Variants in SYNPR observed in about 807,000 individuals in gnomAD.
The protein encoded by SYNPR is synaptoporin.
SYNPR carries 23 observed loss-of-function variants against 32.9 expected under a neutral mutation model. The observed-to-expected ratio is 0.70, with a 90% confidence interval of 0.50 to 0.99. SYNPR has a LOEUF of 0.99. Ranked by LOEUF, SYNPR falls within the 50% of genes least tolerant of loss-of-function variation. SYNPR has a pLI of 0.00. For missense variants in SYNPR, 318 were observed against 349.3 expected, an observed-to-expected ratio of 0.91 and a Z score of 0.71; for synonymous variants, 146 against 135.9, an observed-to-expected ratio of 1.07 and a Z score of -0.52.
chr3:63,286,239 A>ATGG (rs1248579384), intron 2 of SYNPR, among the ~76,000 whole-genome samples: 9 of 152,170 alleles, frequency 5.9e-5, no homozygotes. Flanking sequence ...ATTGAACCTA[A>ATGG]ACGAGAACGT....
intron 2 of SYNPR, among the ~76,000 whole-genome samples, chr3:63,333,503 A>G (rs774210285): frequency 5.9e-5 from 9 of 152,016 alleles, no homozygotes; most frequent in Non-Finnish European, 1.2e-4. Context: ...CGCACCCTCA[A>G]CCTCCTGAGC....
rs147761531 is a variant in SYNPR at position 63,341,521 on chromosome 3, T to C, written c.84+62779T>C. Among the ~76,000 whole-genome samples, 6 of 152,360 alleles carry C rather than the reference T, an allele frequency of 3.9e-5. No homozygotes were observed. In the East Asian group the frequency reaches 1.2e-3, roughly 29 times the overall value. ...CCACATTCTCATCAGCATTTGATAT[T>C]GTCAATGTTTTGGATTTTAACCACT... On this transcript the variant is annotated intron_variant, in intron 2 of 5. Transcript: ENST00000478300.
At chr3:63,282,619 G>T (rs993698656) in intron 2 of SYNPR, among the ~76,000 whole-genome samples, 1 of 150,600 alleles carries the variant, frequency 6.6e-6, no homozygotes, top group Non-Finnish European at 1.5e-5. Context: ...CGAGGTCAAG[G>T]CTACAGTGAG....
rs898024128 is a variant in SYNPR at position 63,481,007 on chromosome 3, C to A, written c.209+51C>A. 11 of 1,573,126 alleles carry A rather than the reference C, an allele frequency of 7.0e-6. No homozygotes were observed. The African/African-American group carries it at 1.5e-4, about 21-fold the overall frequency. Reference sequence around the variant, plus strand: ...TAGCCTCACAGGGGGTTATTTCTTTCTTCTGTGCTTTGTCTCAGAAAAAAT... The same window carrying A: ...TAGCCTCACAGGGGGTTATTTCTTTATTCTGTGCTTTGTCTCAGAAAAAAT... On this transcript the variant is annotated intron_variant, in intron 3 of 5. Transcript: ENST00000478300.
intron 4 of SYNPR, among the ~76,000 whole-genome samples, chr3:63,570,317 C>G (rs1702863189): frequency 6.6e-6 from 1 of 152,154 alleles, no homozygotes; most frequent in Non-Finnish European, 1.5e-5. Flanking sequence ...TTCTTCCAAT[C>G]TGTTATTTCA....
chr3:63,510,915 C>CTGTGTGTGTGTG (rs755622968), intron 3 of SYNPR, among the ~76,000 whole-genome samples: 5,068 of 149,162 alleles, frequency 0.034, 246 homozygotes, highest in African/African-American at 0.11. Flanking sequence ...AAAGGTACAA[C>CTGTGTGTGTGTG]TGTGTGTGTG....
intron 3 of SYNPR, among the ~76,000 whole-genome samples, chr3:63,269,820 G>A (rs1255112580): frequency 6.6e-6 from 1 of 152,080 alleles, no homozygotes; most frequent in East Asian, 1.9e-4. Flanking sequence ...AGCAACTAAT[G>A]GGCTGCAAAT....
At chr3:63,413,126 A>G (rs951457257) in intron 2 of SYNPR, among the ~76,000 whole-genome samples, 11 of 152,370 alleles carry the variant, frequency 7.2e-5, no homozygotes, top group Non-Finnish European at 1.6e-4. Flanking sequence ...ACGATCAAAA[A>G]ATGACATTGG....
intron 2 of SYNPR, among the ~76,000 whole-genome samples, chr3:63,342,512 A>T (rs1319940291): frequency 2.0e-5 from 3 of 152,138 alleles, no homozygotes; most frequent in African/African-American, 7.2e-5. Context: ...CATTGGATTC[A>T]GTTTGCTAAT....
intron 2 of SYNPR, among the ~76,000 whole-genome samples, chr3:63,475,840 G>A (rs561442163): frequency 6.6e-6 from 1 of 152,080 alleles, no homozygotes; most frequent in South Asian, 2.1e-4. Flanking sequence ...CTCCAAAGGG[G>A]AAATTGTCTA....
At chr3:63,445,635 T>C (rs1207892919) in intron 2 of SYNPR, 3 of 640,472 alleles carry the variant, frequency 4.7e-6, no homozygotes, top group Non-Finnish European at 8.4e-6. Context: ...TTATCCCCTT[T>C]AATCTTGACA....
intron 2 of SYNPR, among the ~76,000 whole-genome samples, chr3:63,456,969 A>G (rs1277874699): frequency 6.6e-6 from 1 of 152,098 alleles, no homozygotes; most frequent in East Asian, 1.9e-4. Flanking sequence ...GGTCCAGAGA[A>G]GCTCTCCTCT....
chr3:63,516,112 T>A (rs1701794832), intron 3 of SYNPR, among the ~76,000 whole-genome samples: 1 of 152,144 alleles, frequency 6.6e-6, no homozygotes, highest in Admixed American at 6.6e-5. Flanking sequence ...TCAAAGTATA[T>A]CCATATGTGA....
intron 3 of SYNPR, among the ~76,000 whole-genome samples, chr3:63,482,323 G>A (rs139907765): frequency 2.6e-5 from 4 of 152,188 alleles, no homozygotes; most frequent in African/African-American, 7.2e-5. Context: ...ATTTTTACCT[G>A]GGTTCTGAAA....
At chr3:63,234,314 A>C (rs959662459) in intron 1 of SYNPR, among the ~76,000 whole-genome samples, 5 of 152,174 alleles carry the variant, frequency 3.3e-5, no homozygotes, top group Non-Finnish European at 5.9e-5. Flanking sequence ...ACCTCCCACC[A>C]GGTCTCTCCC....
In SYNPR at chr3:63,611,684, T is replaced by A. The variant is rs190714757; in HGVS notation, c.600+2368T>A. 3.3e-5 allele frequency among the ~76,000 whole-genome samples: 5 copies of A among 152,332 alleles called. No homozygotes were observed. In the East Asian group the frequency reaches 9.6e-4, roughly 29 times the overall value. On this transcript the variant is annotated intron_variant, in intron 5 of 5. Transcript: ENST00000478300. ...TTCTCTCTTTTCAGGTGAAACTTTA[T>A]TTCTTTTTTTTCATCCACACAGCAG...
rs10616514 is a variant in SYNPR, at chr3:63,595,801, TTATA to T, written c.409-13313_409-13310del. ...TATATATATAGTTATATATATATAGTTATATATATATATAGTTTTATATATATAT... is the reference window on the plus strand; with the variant it reads ...TATATATATAGTTATATATATATAGTTATATATATAGTTTTATATATATAT... On this transcript the variant is annotated intron_variant, in intron 4 of 5. Coordinates refer to ENST00000478300, the MANE Select transcript of SYNPR (RefSeq NM_001130003.2). Among the ~76,000 whole-genome samples, 125 of 38,336 alleles carry T rather than the reference TTATA, an allele frequency of 3.3e-3. 12 individuals are homozygous for T. In the East Asian group the frequency reaches 0.07, roughly 22 times the overall value. 25.1% of individuals were successfully genotyped at this position (38,336 alleles called of 152,430 possible). A position where few individuals can be genotyped will look rare whatever the true frequency, so the allele number is the denominator to read the frequency against.
intron 1 of SYNPR, among the ~76,000 whole-genome samples, chr3:63,250,140 C>T (rs2086319823): frequency 6.6e-6 from 1 of 151,854 alleles, no homozygotes; most frequent in African/African-American, 2.4e-5. Flanking sequence ...ATATGGCTAA[C>T]CATAAATCAT....
intron 2 of SYNPR, among the ~76,000 whole-genome samples, chr3:63,468,917 G>A (rs1575660510): frequency 6.6e-6 from 1 of 152,054 alleles, no homozygotes. Context: ...AAGGAGGAAG[G>A]ATAAGTGACA....
Sources: allele counts gnomAD v4.1 joint callset (sites outside exome capture counted in the v4.1 genomes callset), GRCh38; gene constraint gnomAD v4.1.1; transcripts MANE v1.5; gene names NCBI Gene and HGNC (gene_info 2026-07-23, HGNC 2026-07-21).